VEGFC: variants seen among roughly 807,000 people sequenced by gnomAD.
The protein encoded by VEGFC is FLT4 ligand DHM.
A neutral mutation model predicts 46.1 loss-of-function variants in VEGFC; 12 were observed. The ratio of observed to expected loss-of-function variants is 0.26; its 90% CI spans 0.17 to 0.42. VEGFC has a LOEUF of 0.42. Among genes scored for constraint, VEGFC ranks in the 10% least tolerant of loss-of-function variants. The probability of loss-of-function intolerance (pLI) is 1.00; values close to 1 mark genes in which losing one functional copy is unlikely to be tolerated. For synonymous variants in VEGFC, 232 were observed against 195.5 expected, an observed-to-expected ratio of 1.19 and a Z score of -1.56; for missense variants, 488 against 529.4, an observed-to-expected ratio of 0.92 and a Z score of 0.77.
chr4:176,790,261 T>C (rs746624338), intron 1 of VEGFC, among the ~76,000 whole-genome samples: 7 of 152,206 alleles, frequency 4.6e-5, no homozygotes, highest in East Asian at 3.8e-4. Context: ...AGAGATGATG[T>C]TTCATATGGG....
intron 1 of VEGFC, among the ~76,000 whole-genome samples, chr4:176,783,957 C>G (rs867491877): frequency 6.6e-6 from 1 of 151,618 alleles, no homozygotes; most frequent in Admixed American, 6.6e-5. Flanking sequence ...ATGCTATATT[C>G]TTTGTTTGTT....
chr4:176,730,459 A>AT (rs552607196), intron 1 of VEGFC, among the ~76,000 whole-genome samples: 1 of 152,094 alleles, frequency 6.6e-6, no homozygotes, highest in Non-Finnish European at 1.5e-5. Flanking sequence ...AATAAATACA[A>AT]TTTTTTTCTA....
At chr4:176,721,891 T>C (rs1734793144) in intron 3 of VEGFC, among the ~76,000 whole-genome samples, 1 of 151,984 alleles carries the variant, frequency 6.6e-6, no homozygotes, top group African/African-American at 2.4e-5. Flanking sequence ...AAAAAGTAGA[T>C]GAGAAAATAC....
chr4:176,774,647 CTCAATAAGTA>C (rs1215084074), intron 1 of VEGFC, among the ~76,000 whole-genome samples: 1 of 152,130 alleles, frequency 6.6e-6, no homozygotes, highest in Non-Finnish European at 1.5e-5. Flanking sequence ...CCCATATACA[CTCAATAAGTA>C]AAAATACACT....
intron 1 of VEGFC, among the ~76,000 whole-genome samples, chr4:176,775,962 T>C (rs573188631): frequency 4.9e-4 from 74 of 152,060 alleles, no homozygotes; most frequent in African/African-American, 1.6e-3. Context: ...AATGTGGCAA[T>C]TGAATAAAGC....
intron 4 of VEGFC, among the ~76,000 whole-genome samples, chr4:176,707,090 A>T (rs1734548182): frequency 6.6e-6 from 1 of 152,194 alleles, no homozygotes; most frequent in Non-Finnish European, 1.5e-5. Flanking sequence ...TACATTGCTC[A>T]GCAATGTTCC....
chr4:176,712,682 T>G lies in VEGFC; in HGVS notation c.553-1032A>C, dbSNP rs920249349. Among the ~76,000 whole-genome samples, 7 of 152,320 alleles carry G rather than the reference T, an allele frequency of 4.6e-5. No homozygotes were observed. In the South Asian group the frequency reaches 1.0e-3, roughly 23 times the overall value. ...CAAAGCATTGTGACTTGGCCTTTGC[T>G]GAACTTTCACGCCATCAGCTGAAGA... is the stretch of plus-strand genomic sequence containing the variant. On this transcript the variant is annotated intron_variant, in intron 3 of 6. Coordinates refer to ENST00000618562, the MANE Select transcript of VEGFC (RefSeq NM_005429.5).
At chr4:176,782,437 C>T (rs1735932766) in intron 1 of VEGFC, among the ~76,000 whole-genome samples, 1 of 149,686 alleles carries the variant, frequency 6.7e-6, no homozygotes, top group Non-Finnish European at 1.5e-5. Context: ...GCACTGCAGC[C>T]TGGGAAATAG....
intron 1 of VEGFC, among the ~76,000 whole-genome samples, chr4:176,781,126 T>A (rs1435159546): frequency 6.6e-6 from 1 of 152,232 alleles, no homozygotes; most frequent in Non-Finnish European, 1.5e-5. Flanking sequence ...AATTGTTAAG[T>A]GTGATGGTCA....
At chr4:176,702,768 G>A (rs998221952) in intron 4 of VEGFC, among the ~76,000 whole-genome samples, 22 of 151,900 alleles carry the variant, frequency 1.4e-4, no homozygotes, top group Admixed American at 1.4e-3. Flanking sequence ...CTCTTTGATT[G>A]TACTCTCTTG....
At chr4:176,758,313 T>C (rs1006302836) in intron 1 of VEGFC, among the ~76,000 whole-genome samples, 1 of 152,172 alleles carries the variant, frequency 6.6e-6, no homozygotes, top group East Asian at 1.9e-4. Flanking sequence ...TAATAAAGTT[T>C]ATTCATAATC....
At chr4:176,740,310 T>TAA (rs1189557859) in intron 1 of VEGFC, among the ~76,000 whole-genome samples, 3 of 120,698 alleles carry the variant, frequency 2.5e-5, no homozygotes, top group African/African-American at 1.0e-4. Flanking sequence ...AGAGTATATA[T>TAA]AACTATATTT....
chr4:176,686,003 T>C (rs1734035095), intron 6 of VEGFC, among the ~76,000 whole-genome samples: 1 of 152,130 alleles, frequency 6.6e-6, no homozygotes, highest in Non-Finnish European at 1.5e-5. Context: ...GTGAAGATAG[T>C]AAATAAATGA....
At chr4:176,686,576 A>AC (rs966410699) in intron 6 of VEGFC, among the ~76,000 whole-genome samples, 25 of 152,316 alleles carry the variant, frequency 1.6e-4, no homozygotes, top group African/African-American at 5.3e-4. Flanking sequence ...AGTAGGATCA[A>AC]TTTATTCTCT....
intron 1 of VEGFC, among the ~76,000 whole-genome samples, chr4:176,781,900 G>A (rs1011593184): frequency 2.6e-5 from 4 of 152,126 alleles, no homozygotes; most frequent in African/African-American, 7.2e-5. Context: ...TTAAGTAGTC[G>A]GCTTCCCATA....
intron 3 of VEGFC, among the ~76,000 whole-genome samples, chr4:176,725,903 C>T (rs1734867307): frequency 6.6e-6 from 1 of 151,846 alleles, no homozygotes; most frequent in Non-Finnish European, 1.5e-5. Context: ...TCTGCTTGGC[C>T]TAAGTATTTC....
chr4:176,755,305 C>A (rs984878807), intron 1 of VEGFC, among the ~76,000 whole-genome samples: 1 of 152,010 alleles, frequency 6.6e-6, no homozygotes, highest in African/African-American at 2.4e-5. Context: ...CCACTTACAG[C>A]AGACAGGAGA....
intron 1 of VEGFC, among the ~76,000 whole-genome samples, chr4:176,750,690 T>C (rs184022396): frequency 2.0e-5 from 3 of 151,994 alleles, no homozygotes; most frequent in Non-Finnish European, 2.9e-5. Flanking sequence ...TATAAAATCC[T>C]GTCTGGATTG....
intron 1 of VEGFC, among the ~76,000 whole-genome samples, chr4:176,761,755 C>A (rs1735534091): frequency 6.6e-6 from 1 of 152,102 alleles, no homozygotes; most frequent in Non-Finnish European, 1.5e-5. Flanking sequence ...CTTTTGTTAA[C>A]TTTATTATTA....
Sources: gnomAD v4.1 joint callset for allele counts (sites outside exome capture counted in the v4.1 genomes callset) on GRCh38, gnomAD v4.1.1 for gene constraint, MANE v1.5 for transcripts, NCBI Gene and HGNC (gene_info 2026-07-23, HGNC 2026-07-21) for gene names.